DCC: variants seen among roughly 807,000 people sequenced by gnomAD.
DCC encodes DCC netrin 1 receptor, also known as netrin receptor DCC.
In DCC, 58 loss-of-function variants were observed where a neutral mutation model predicts 172.5. That is an observed-to-expected ratio of 0.34 (90% CI 0.27 to 0.42). The LOEUF is 0.42. Among genes scored for constraint, DCC ranks in the 10% least tolerant of loss-of-function variants. DCC has a pLI of 1.00. For synonymous variants in DCC, 709 were observed against 644.5 expected, an observed-to-expected ratio of 1.10 and a Z score of -1.52; for missense variants, 1,740 against 1,791.0, an observed-to-expected ratio of 0.97 and a Z score of 0.51.
chr18:52,914,802 A>G (rs1486334835), intron 3 of DCC, among the ~76,000 whole-genome samples: 1 of 152,104 alleles, frequency 6.6e-6, no homozygotes, highest in African/African-American at 2.4e-5. Context: ...ACAGTAGGTT[A>G]GCTTGAAATT....
intron 1 of DCC, among the ~76,000 whole-genome samples, chr18:52,423,102 A>G (rs556471753): frequency 9.8e-5 from 15 of 152,304 alleles, no homozygotes; most frequent in African/African-American, 2.4e-4. Context: ...TCATTAAAGC[A>G]TAAGTGTATG....
intron 21 of DCC, among the ~76,000 whole-genome samples, chr18:53,429,871 G>A (rs10163837): frequency 0.43 from 65,628 of 151,892 alleles, 15,960 homozygotes; most frequent in Non-Finnish European, 0.56. Flanking sequence ...TTAGGAAAAG[G>A]TTAAGAGAGC....
At chr18:53,477,222 T>A (rs535746800) in intron 25 of DCC, among the ~76,000 whole-genome samples, 2 of 152,128 alleles carry the variant, frequency 1.3e-5, no homozygotes, top group African/African-American at 4.8e-5. Context: ...TTGCCCAGGC[T>A]GGTCTCAAAC....
chr18:53,428,121 A>G (rs1156668758), intron 21 of DCC, among the ~76,000 whole-genome samples: 1 of 38,098 alleles, frequency 2.6e-5, no homozygotes, highest in South Asian at 7.5e-4. Context: ...AATAATATAT[A>G]ATATATAATA....
chr18:53,410,987 A>C (rs73960120), intron 20 of DCC, among the ~76,000 whole-genome samples: 4,937 of 152,240 alleles, frequency 0.032, 302 homozygotes, highest in African/African-American at 0.11. Context: ...AATTATGTGA[A>C]TAGCATACTA....
intron 3 of DCC, among the ~76,000 whole-genome samples, chr18:52,919,459 T>C (rs2040087491): frequency 1.3e-5 from 2 of 152,146 alleles, no homozygotes; most frequent in South Asian, 4.1e-4. Flanking sequence ...CCAAACTTAT[T>C]GGGGAAATAA....
intron 14 of DCC, among the ~76,000 whole-genome samples, chr18:53,322,363 C>A (rs2057421463): frequency 6.6e-6 from 1 of 152,106 alleles, no homozygotes; most frequent in African/African-American, 2.4e-5. Flanking sequence ...AATGACATAG[C>A]ATTGATTATG....
chr18:52,488,449 G>C (rs1483168725), intron 1 of DCC, among the ~76,000 whole-genome samples: 1 of 152,096 alleles, frequency 6.6e-6, no homozygotes, highest in African/African-American at 2.4e-5. Flanking sequence ...AGGTAGGACT[G>C]TATGATGAGG....
intron 7 of DCC, among the ~76,000 whole-genome samples, chr18:53,067,620 A>G (rs1224383538): frequency 6.6e-6 from 1 of 152,202 alleles, no homozygotes; most frequent in Non-Finnish European, 1.5e-5. Context: ...AGACAAAAAT[A>G]AAAACAAAAG....
chr18:52,942,514 AAG>A (rs2040479711), intron 5 of DCC, among the ~76,000 whole-genome samples: 1 of 152,190 alleles, frequency 6.6e-6, no homozygotes, highest in African/African-American at 2.4e-5. Context: ...TGGAAAGAAA[AAG>A]AGGTTTAATT....
intron 8 of DCC, among the ~76,000 whole-genome samples, chr18:53,163,625 A>G (rs888295551): frequency 6.6e-6 from 1 of 151,980 alleles, no homozygotes; most frequent in Admixed American, 6.6e-5. Flanking sequence ...TGCAAGTGCC[A>G]TAATTCAAAT....
intron 12 of DCC, among the ~76,000 whole-genome samples, chr18:53,279,446 A>G (rs1208768759): frequency 2.8e-5 from 4 of 140,786 alleles, no homozygotes; most frequent in Admixed American, 1.5e-4. Context: ...GAATTGAACA[A>G]TGAGAACACA....
At chr18:52,783,269 TG>T (rs903129557) in intron 2 of DCC, among the ~76,000 whole-genome samples, 105 of 147,762 alleles carry the variant, frequency 7.1e-4, no homozygotes, top group African/African-American at 2.6e-3. Context: ...TTAAACTCCT[TG>T]AATACAGTAA....
chr18:52,589,199 G>A (rs1360819158), intron 1 of DCC, among the ~76,000 whole-genome samples: 1 of 152,200 alleles, frequency 6.6e-6, no homozygotes, highest in Non-Finnish European at 1.5e-5. Flanking sequence ...TGGGGGGTCA[G>A]TGAGACAGCT....
At chr18:52,389,172 T>C (rs903292334) in intron 1 of DCC, among the ~76,000 whole-genome samples, 2 of 152,110 alleles carry the variant, frequency 1.3e-5, no homozygotes, top group Non-Finnish European at 1.5e-5. Flanking sequence ...TGCAGTGGCT[T>C]ATAACCAGAA....
intron 26 of DCC, among the ~76,000 whole-genome samples, chr18:53,490,012 C>T (rs763839809): frequency 3.9e-5 from 6 of 152,128 alleles, no homozygotes; most frequent in Non-Finnish European, 8.8e-5. Flanking sequence ...GTCTTTGAAA[C>T]AAGTAGGTGG....
chr18:52,983,727 G>A (rs1329519886), intron 5 of DCC, among the ~76,000 whole-genome samples: 2 of 152,172 alleles, frequency 1.3e-5, no homozygotes, highest in Non-Finnish European at 2.9e-5. Flanking sequence ...ATTAAAAGCA[G>A]TTTAAATTCC....
chr18:53,139,689 CTG>C lies in DCC; in HGVS notation c.1262-17666_1262-17665del, dbSNP rs568518605. ...TTTTATAGGTGAGGAAACCGAGACA[CTG>C]AGAGGTGAGGCAGTTTGTATGAGGA... On this transcript the variant is annotated intron_variant, in intron 7 of 28. Coordinates refer to ENST00000442544, the MANE Select transcript of DCC (RefSeq NM_005215.4). Among the ~76,000 whole-genome samples the C allele has an allele frequency of 2.0e-4, 31 of 152,236 alleles. 1 individual carries two copies. In the South Asian group the frequency reaches 4.3e-3, roughly 21 times the overall value.
intron 13 of DCC, among the ~76,000 whole-genome samples, chr18:53,309,910 A>T (rs1029938741): frequency 2.9e-5 from 4 of 136,066 alleles, no homozygotes; most frequent in Admixed American, 2.4e-4. Context: ...TACTGCAAAC[A>T]TATATGTGCG....
Sources: gnomAD v4.1 joint callset for allele counts (sites outside exome capture counted in the v4.1 genomes callset) on GRCh38, gnomAD v4.1.1 for gene constraint, MANE v1.5 for transcripts, NCBI Gene and HGNC (gene_info 2026-07-23, HGNC 2026-07-21) for gene names.